Variants in KLF12 observed in about 807,000 individuals in gnomAD.
The protein encoded by KLF12 is Krueppel-like factor 12.
In KLF12, 9 loss-of-function variants were observed where a neutral mutation model predicts 37.8. The ratio of observed to expected loss-of-function variants is 0.24; its 90% CI spans 0.14 to 0.42. The LOEUF (loss-of-function observed/expected upper bound fraction) is 0.42, where lower values mean the gene tolerates loss of function less well. Ranked by LOEUF, KLF12 falls within the 10% of genes least tolerant of loss-of-function variation. KLF12 has a pLI of 1.00. For missense variants in KLF12, 411 were observed against 516.0 expected (o/e 0.80, Z 1.97); for synonymous variants, 208 against 202.1 (o/e 1.03, Z -0.25).
intron 6 of KLF12, among the ~76,000 whole-genome samples, chr13:73,760,078 C>T (rs1879447409): frequency 6.6e-6 from 1 of 152,118 alleles, no homozygotes; most frequent in Admixed American, 6.6e-5. Context: ...AAAGGCTCTT[C>T]CTGCCCTCCA....
chr13:74,038,145 T>A (rs1893307645), intron 1 of KLF12, among the ~76,000 whole-genome samples: 1 of 152,198 alleles, frequency 6.6e-6, no homozygotes, highest in South Asian at 2.1e-4. Context: ...TGTCAATTTC[T>A]TAGTTTTGGC....
chr13:73,797,004 G>C (rs897884809), intron 5 of KLF12, among the ~76,000 whole-genome samples: 1 of 152,180 alleles, frequency 6.6e-6, no homozygotes, highest in African/African-American at 2.4e-5. Context: ...TGGCTGTCTA[G>C]GGGTTTGGAG....
At chr13:74,226,578 T>C in the KLF12 span, among the ~76,000 whole-genome samples, 1 of 152,150 alleles carries the variant, frequency 6.6e-6, no homozygotes, top group Non-Finnish European at 1.5e-5. Flanking sequence ...TTATAGAAGC[T>C]ATGGCCTTCA....
intron 1 of KLF12, among the ~76,000 whole-genome samples, chr13:74,129,782 T>C (rs970617938): frequency 6.6e-6 from 1 of 151,806 alleles, no homozygotes; most frequent in Non-Finnish European, 1.5e-5. Flanking sequence ...CAAATTTTTA[T>C]GGAGCAATAA....
chr13:73,978,563 A>G (rs544984942), intron 2 of KLF12, among the ~76,000 whole-genome samples: 10 of 152,324 alleles, frequency 6.6e-5, no homozygotes, highest in African/African-American at 2.4e-4. Context: ...CCTAGTTAGT[A>G]AACTAACTCT....
chr13:73,887,075 A>T (rs1887264326), intron 3 of KLF12, among the ~76,000 whole-genome samples: 1 of 152,128 alleles, frequency 6.6e-6, no homozygotes, highest in Non-Finnish European at 1.5e-5. Flanking sequence ...TCACTAATTC[A>T]GATCTTGCAC....
At position 73,826,209 on chromosome 13, in the gene KLF12, G is replaced by C. The variant is rs1230004482; in HGVS notation, c.671-12922C>G. Among the ~76,000 whole-genome samples the C allele has an allele frequency of 5.9e-5, 9 of 152,070 alleles. No homozygotes were observed. In the South Asian group the frequency reaches 1.9e-3, roughly 32 times the overall value. ...AGGATTGTCTCTATCTCCTGACCTC[G>C]TGATCTGCCCGCCTCGGCCTCCCAA... is the stretch of plus-strand genomic sequence containing the variant. On this transcript the variant is annotated intron_variant, in intron 4 of 7. Transcript: ENST00000377669.
intron 5 of KLF12, among the ~76,000 whole-genome samples, chr13:73,793,966 C>T (rs1439865538): frequency 1.3e-5 from 2 of 152,234 alleles, no homozygotes; most frequent in Middle Eastern, 3.4e-3. Flanking sequence ...GTTGATAAAT[C>T]GCTAACTCAT....
chr13:73,738,917 G>C (rs1044963207), intron 6 of KLF12, among the ~76,000 whole-genome samples: 1 of 152,142 alleles, frequency 6.6e-6, no homozygotes, highest in Non-Finnish European at 1.5e-5. Context: ...CAATGCCTCA[G>C]TTTCCTTTCT....
chr13:74,046,995 A>G (rs1893564713), intron 1 of KLF12, among the ~76,000 whole-genome samples: 1 of 152,124 alleles, frequency 6.6e-6, no homozygotes, highest in Admixed American at 6.5e-5. Flanking sequence ...GAAAAACAGG[A>G]AAAAAATCAA....
At chr13:74,091,029 A>T (rs1194020122) in intron 1 of KLF12, among the ~76,000 whole-genome samples, 1 of 152,026 alleles carries the variant, frequency 6.6e-6, no homozygotes, top group Admixed American at 6.6e-5. Flanking sequence ...TAGCATAAGG[A>T]TGTAGGTCAA....
chr13:73,811,280 T>C (rs1291737618), intron 5 of KLF12, among the ~76,000 whole-genome samples: 1 of 151,984 alleles, frequency 6.6e-6, no homozygotes, highest in East Asian at 1.9e-4. Context: ...ACAATGTTTT[T>C]ATAAGTGCTC....
intron 3 of KLF12, among the ~76,000 whole-genome samples, chr13:73,940,969 G>T (rs1442109904): frequency 6.6e-6 from 1 of 152,194 alleles, no homozygotes; most frequent in Non-Finnish European, 1.5e-5. Flanking sequence ...ACGCAGCAGA[G>T]AACAACTACA....
At chr13:74,279,661 G>T in the KLF12 span, among the ~76,000 whole-genome samples, 6 of 152,080 alleles carry the variant, frequency 3.9e-5, no homozygotes, top group Non-Finnish European at 7.4e-5. Context: ...GAACAAAATG[G>T]TAAAACACAT....
the KLF12 span, among the ~76,000 whole-genome samples, chr13:74,240,091 T>C: frequency 2.0e-5 from 3 of 152,204 alleles, no homozygotes; most frequent in South Asian, 6.3e-4. Flanking sequence ...CCGGTTGTTC[T>C]TTTCCATGTT....
intron 3 of KLF12, among the ~76,000 whole-genome samples, chr13:73,942,589 C>G (rs1386276390): frequency 6.6e-6 from 1 of 152,082 alleles, no homozygotes; most frequent in African/African-American, 2.4e-5. Flanking sequence ...CTAGAAAATC[C>G]AGTTGAACAC....
At chr13:73,870,254 A>T (rs1428250998) in intron 3 of KLF12, among the ~76,000 whole-genome samples, 2 of 152,184 alleles carry the variant, frequency 1.3e-5, no homozygotes. Context: ...TTCATTTCTC[A>T]TTTGGCAAAC....
chr13:74,219,585 TA>T, the KLF12 span, among the ~76,000 whole-genome samples: 4 of 152,214 alleles, frequency 2.6e-5, no homozygotes, highest in Non-Finnish European at 5.9e-5. Context: ...ATATTCTATT[TA>T]AAACACTAAA....
At chr13:74,145,222 G>C in the KLF12 span, among the ~76,000 whole-genome samples, 9 of 152,240 alleles carry the variant, frequency 5.9e-5, no homozygotes, top group East Asian at 1.7e-3. Flanking sequence ...GTATCTTATG[G>C]AACAAAGTGC....
Sources: allele counts gnomAD v4.1 joint callset (sites outside exome capture counted in the v4.1 genomes callset), GRCh38; gene constraint gnomAD v4.1.1; transcripts MANE v1.5; gene names NCBI Gene and HGNC (gene_info 2026-07-23, HGNC 2026-07-21).